Variants in FBRS observed in about 807,000 individuals in gnomAD.
FBRS encodes probable fibrosin-1.
FBRS carries 15 observed loss-of-function variants against 86.1 expected under a neutral mutation model. The observed-to-expected ratio is 0.17, with a 90% confidence interval of 0.12 to 0.27. FBRS has a LOEUF of 0.27. Ranked by LOEUF, FBRS falls within the 10% of genes least tolerant of loss-of-function variation. The pLI is 1.00. For synonymous variants in FBRS, 666 were observed against 575.8 expected (o/e 1.16, Z -2.24); for missense variants, 1,367 against 1,301.6 (o/e 1.05, Z -0.77).
chr16:30,666,163 T>C (rs1470090312), intron 11 of FBRS: 5 of 454,276 alleles, frequency 1.1e-5, no homozygotes, highest in Non-Finnish European at 2.0e-5. Context: ...CCAGAGGTTT[T>C]CCAACTTCCT....
In FBRS at chr16:30,665,576, T is replaced by TCTGGATCCCTTTGTGCTTGGTG; in HGVS notation, c.1705-60_1705-39dup. On this transcript the variant is annotated intron_variant, in intron 10 of 17. Coordinates refer to ENST00000356166, the MANE Select transcript of FBRS (RefSeq NM_001105079.3). This position sits in a 1 kb window ranked among gnomAD's most constrained non-coding sequence, Gnocchi z 4.1. ...TCCCTGCCCAGTGTCCCAGCTTGGT[T>TCTGGATCCCTTTGTGCTTGGTG]CTGGATCCCTTTGTGCTTGGTGCCA... 6.5e-7 allele frequency: 1 copy of TCTGGATCCCTTTGTGCTTGGTG among 1,537,888 alleles called. No homozygotes were observed. The highest frequency in any genetic ancestry group is 2.4e-5 in the East Asian group (1 of 41,018).
chr16:30,664,121 A>C, intron 6 of FBRS, 94 bp from the exon 7 acceptor site: 1 of 1,271,154 alleles, frequency 7.9e-7, no homozygotes. Flanking sequence ...CGTGTTGGAG[A>C]ACCAGGGTCA....
In FBRS at chr16:30,659,899, TGAGGAGGAGGAAGAG is replaced by T. The variant is rs2052435931; in HGVS notation, c.393_407del (p.Glu131_Glu135del). ...ACGACGGCGAAGCCGAGGAGGAGCC[TGAGGAGGAGGAAGAG>T]GAGGAGGAGGACTTGATCGATGGCT... On this transcript the variant is annotated inframe_deletion, in exon 1 of 18. Coordinates refer to ENST00000356166, the MANE Select transcript of FBRS (RefSeq NM_001105079.3). 2 of 1,550,028 alleles carry T rather than the reference TGAGGAGGAGGAAGAG, an allele frequency of 1.3e-6. No individual in the cohort carries two copies. The highest frequency in any genetic ancestry group is 2.5e-5 in the East Asian group (1 of 40,776).
At position 30,660,358 on chromosome 16, in the gene FBRS, G is replaced by C; in HGVS notation, c.555G>C (p.Glu185Asp). 7.8e-7 allele frequency: 1 copy of C among 1,286,608 alleles called. No homozygotes were observed. Among genetic ancestry groups the C allele is most frequent in the Non-Finnish European group, 9.9e-7 (1 of 1,007,646 alleles). 79.7% of individuals were successfully genotyped at this position (1,286,608 alleles called of 1,614,324 possible). The change falls in exon 2 of 18, where the codon GAG (glutamate) becomes GAC (aspartate). Residue 185 changes from glutamate (E) to aspartate (D), a missense_variant. This residue lies in a region of FBRS where 702 missense variants were observed against 598.7 expected (regional missense o/e 1.17). Coordinates refer to ENST00000356166, the MANE Select transcript of FBRS (RefSeq NM_001105079.3). ...GGGGCTCCAGTGGGGCCACCGGGGAGCCAGGGGACAGCTCTGATCGAGAGC... is the reference window on the plus strand; with the variant it reads ...GGGGCTCCAGTGGGGCCACCGGGGACCCAGGGGACAGCTCTGATCGAGAGC... The part of the protein sequence containing the change: ...KRGGSSGATG[E>D]PGDSSDREPG...
chr16:30,665,758 G>A lies in FBRS; in HGVS notation c.1773+52G>A. On this transcript the variant is annotated intron_variant, in intron 11 of 17. Transcript: ENST00000356166. This position sits in a 1 kb window ranked among gnomAD's most constrained non-coding sequence, Gnocchi z 4.1. The stretch of plus-strand genomic sequence containing the variant: ...GGAGCTGGAAGGTGTGTTGCGGGGA[G>A]AACAGAACTGACTTGAGGAGAGTGA... 2.0e-6 allele frequency: 3 copies of A among 1,519,870 alleles called. No homozygotes were observed. Among genetic ancestry groups the A allele is most frequent in the South Asian group, 1.2e-5 (1 of 83,310 alleles). 94.1% of individuals were successfully genotyped at this position (1,519,870 alleles called of 1,614,324 possible).
chr16:30,667,620 T>G lies in FBRS; in HGVS notation c.2072T>G (p.Ile691Ser). ...CCCTTCCTGAGCCCCAGCACCCACATTGGTAAGAGCCAAGGGCGTGTTGGG... is the reference window on the plus strand; with the variant it reads ...CCCTTCCTGAGCCCCAGCACCCACAGTGGTAAGAGCCAAGGGCGTGTTGGG... Reference protein sequence around the residue: ...HGPFLSPSTHIDPFGRPTSFA... With the variant: ...HGPFLSPSTHSDPFGRPTSFA... Residue 691 changes from isoleucine to serine, a missense_variant and splice_region_variant, in exon 15 of 18, where the codon ATT becomes AGT. By Grantham distance (142) the Ile-to-Ser change is moderately radical. This residue lies in a region of FBRS where 659 missense variants were observed against 678.8 expected (regional missense o/e 0.97). Coordinates refer to ENST00000356166, the MANE Select transcript of FBRS (RefSeq NM_001105079.3). The G allele has an allele frequency of 6.6e-7, 1 of 1,522,540 alleles. No individual in the cohort carries two copies. The highest frequency in any genetic ancestry group is 8.8e-7 in the Non-Finnish European group (1 of 1,134,616). The allele number at this position is 1,522,540 out of a possible 1,614,324, so 94.3% of individuals were successfully genotyped here.
At chr16:30,660,056 G>C in intron 1 of FBRS, 79 bp downstream of exon 1, 1 of 1,484,666 alleles carries the variant, frequency 6.7e-7, no homozygotes. Context: ...AGTGGGTGGA[G>C]TTGAGGGGGG....
Position 30,665,193 on chromosome 16 carries a change from G to A in FBRS, c.1609-113G>A. ...TTCAGCACAAAAGCAAGAGCCTTGAGCCTGGGACAGCTCCCTGGGGGGCTT... is the reference window on the plus strand; with the variant it reads ...TTCAGCACAAAAGCAAGAGCCTTGAACCTGGGACAGCTCCCTGGGGGGCTT... On this transcript the variant is annotated intron_variant, in intron 9 of 17. Coordinates refer to ENST00000356166, the MANE Select transcript of FBRS (RefSeq NM_001105079.3). The surrounding 1 kb of genome is among the most constrained non-coding windows in gnomAD (Gnocchi z 4.1). 2.6e-6 allele frequency: 4 copies of A among 1,520,730 alleles called. No homozygotes were observed. Among genetic ancestry groups the A allele is most frequent in the Non-Finnish European group, 3.5e-6 (4 of 1,128,294 alleles). The allele number at this position is 1,520,730 out of a possible 1,614,324, so 94.2% of individuals were successfully genotyped here.
chr16:30,664,620 G>A, intron 7 of FBRS, 95 bp from the exon 8 acceptor site: 3 of 1,441,348 alleles, frequency 2.1e-6, no homozygotes, highest in Non-Finnish European at 2.7e-6. Context: ...GGCTTGAGGA[G>A]GGAGTGGCTC....
At position 30,667,382 on chromosome 16, in the gene FBRS, G is replaced by C. The variant is rs1397639281; in HGVS notation, c.1938G>C (p.Gly646=). The C allele has an allele frequency of 1.4e-5, 22 of 1,552,896 alleles. No homozygotes were observed. The highest frequency in any genetic ancestry group is 1.6e-5 in the Non-Finnish European group (18 of 1,147,726). The change falls in exon 14 of 18, where the codon GGG becomes GGC. Residue 646 remains glycine (G), a synonymous_variant. Coordinates refer to ENST00000356166, the MANE Select transcript of FBRS (RefSeq NM_001105079.3). The stretch of plus-strand genomic sequence containing the variant: ...TGCCCTGCCTTCCGGGGCCCTATGG[G>C]GCCCTGCCCCCTGGGCAGGAGCTCT... ...DLLPCLPGPY[G]ALPPGQELSH...
rs1274642312 is a variant in FBRS, at chr16:30,659,947, C to T, written c.429C>T (p.Ile143=). Residue 143 remains isoleucine, a synonymous_variant, in exon 1 of 18, where the codon ATC becomes ATT. Coordinates refer to ENST00000356166, the MANE Select transcript of FBRS (RefSeq NM_001105079.3). ...EEEDLIDGFA[I]ASFATLEALQ... ...AGGACTTGATCGATGGCTTCGCCAT[C>T]GCCAGCTTCGCCACCCTCGAGGCCT... The T allele has an allele frequency of 1.2e-5, 19 of 1,550,502 alleles. No homozygotes were observed. The highest frequency in any genetic ancestry group is 1.3e-5 in the Non-Finnish European group (15 of 1,147,242).
chr16:30,668,900 G>T lies in FBRS; in HGVS notation c.2287G>T (p.Ala763Ser). The T allele has an allele frequency of 1.9e-6, 3 of 1,586,356 alleles. No homozygotes were observed. Among genetic ancestry groups the T allele is most frequent in the Non-Finnish European group, 2.6e-6 (3 of 1,169,944 alleles). The change falls in exon 17 of 18, where the codon GCC (alanine) becomes TCC (serine). Residue 763 changes from alanine (A) to serine (S), a missense_variant. Coordinates refer to ENST00000356166, the MANE Select transcript of FBRS (RefSeq NM_001105079.3). ...TFPAWVRPPE[A>S]ARTPGSDKER... is the part of the protein sequence containing the mutation. ...TCCTGCCTGGGTCCGGCCCCCTGAG[G>T]CCGCCCGGACTCCAGGCTCAGACAA... is the stretch of plus-strand genomic sequence containing the variant.
rs756248822 is a variant in FBRS, at chr16:30,669,435, C to G, written c.2733C>G (p.Ala911=). The G allele has an allele frequency of 6.2e-7, 1 of 1,612,840 alleles. No homozygotes were observed. Among genetic ancestry groups the G allele is most frequent in the Non-Finnish European group, 8.5e-7 (1 of 1,179,790 alleles). Residue 911 remains alanine (A), a synonymous_variant, in exon 18 of 18, where the codon GCC becomes GCG. Coordinates refer to ENST00000356166, the MANE Select transcript of FBRS (RefSeq NM_001105079.3). This position sits in a 1 kb window ranked among gnomAD's most constrained non-coding sequence, Gnocchi z 5.9. Reference sequence around the variant, plus strand: ...AGCTAACTGGACCCGGGGCCGTGGCCGCTGCCCGCCTCTACGGTCTGGAAC... The same window carrying G: ...AGCTAACTGGACCCGGGGCCGTGGCGGCTGCCCGCCTCTACGGTCTGGAAC... The part of the protein sequence containing the change: ...GEELTGPGAV[A]AARLYGLEPA...
rs1442952215 is a variant in FBRS at position 30,658,516 on chromosome 16, G to A, written c.-1003G>A. ...GGAGAAGCGCCCTAAGACTCCAAAG[G>A]AGACAACAGGAGTTTGTGCTGGAGC... is the stretch of plus-strand genomic sequence containing the variant. On this transcript the variant is annotated 5_prime_UTR_variant, in exon 1 of 18. Coordinates refer to ENST00000356166, the MANE Select transcript of FBRS (RefSeq NM_001105079.3). 1 of 152,510 alleles carries A rather than the reference G, an allele frequency of 6.6e-6. No individual in the cohort carries two copies. The highest frequency in any genetic ancestry group is 2.4e-5 in the African/African-American group (1 of 41,486). The allele number at this position is 152,510 out of a possible 1,614,324, so 9.4% of individuals were successfully genotyped here. A position where few individuals can be genotyped will look rare whatever the true frequency, so the allele number is the denominator to read the frequency against.
rs1164882650 is a variant in FBRS, at chr16:30,661,224, T to A, written c.675+9T>A. 1 of 1,550,680 alleles carries A rather than the reference T, an allele frequency of 6.4e-7. No homozygotes were observed. On this transcript the variant is annotated intron_variant, in intron 3 of 17. Transcript: ENST00000356166. Reference sequence around the variant, plus strand: ...TGGAAGCTGGATACATAGTAAGTGCTATCCACCTGTCCTGGCCCCTCCCTG... The same window carrying A: ...TGGAAGCTGGATACATAGTAAGTGCAATCCACCTGTCCTGGCCCCTCCCTG...
At position 30,669,043 on chromosome 16, in the gene FBRS, A is replaced by G; in HGVS notation, c.2367-26A>G. 1 of 1,545,062 alleles carries G rather than the reference A, an allele frequency of 6.5e-7. No individual in the cohort carries two copies. The highest frequency in any genetic ancestry group is 1.2e-5 in the South Asian group (1 of 85,636). ...GCCCCTGCTGCCCCTGGAGAACTTC[A>G]TTCTCTCCCCACGCCTGCCCTCCAG... On this transcript the variant is annotated intron_variant, in intron 17 of 17. Transcript: ENST00000356166. This position sits in a 1 kb window ranked among gnomAD's most constrained non-coding sequence, Gnocchi z 5.9.
Position 30,667,448 on chromosome 16 carries a change from C to A in FBRS, c.1993+11C>A. The A allele has an allele frequency of 6.5e-7, 1 of 1,531,266 alleles. No individual in the cohort carries two copies. Among genetic ancestry groups the A allele is most frequent in the Non-Finnish European group, 8.8e-7 (1 of 1,133,908 alleles). The allele number at this position is 1,531,266 out of a possible 1,614,324, so 94.9% of individuals were successfully genotyped here. A position where few individuals can be genotyped will look rare whatever the true frequency, so the allele number is the denominator to read the frequency against. On this transcript the variant is annotated intron_variant, in intron 14 of 17. Coordinates refer to ENST00000356166, the MANE Select transcript of FBRS (RefSeq NM_001105079.3). ...TCTTCACTGCGACTGGTGAGTCTGGCCAGCCCCCTCGGGCCTGAGGTTCCC... is the reference window on the plus strand; with the variant it reads ...TCTTCACTGCGACTGGTGAGTCTGGACAGCCCCCTCGGGCCTGAGGTTCCC...
rs759244119 is a variant in FBRS at position 30,662,425 on chromosome 16, C to T, written c.711C>T (p.Ser237=). 82 of 1,550,508 alleles carry T rather than the reference C, an allele frequency of 5.3e-5. No individual in the cohort carries two copies. The highest frequency in any genetic ancestry group is 1.3e-4 in the South Asian group (11 of 84,056). The change falls in exon 5 of 18, where the codon TCC becomes TCT. Residue 237 remains serine, a synonymous_variant. Transcript: ENST00000356166. ...DAESDLDERV[S]DDDLDPSFTV... is the part of the protein sequence containing the mutation. Reference sequence around the variant, plus strand: ...CCCTTGCCCTTCTTCCCCAGGTCTCCGATGATGACCTCGACCCATCCTTTA... The same window carrying T: ...CCCTTGCCCTTCTTCCCCAGGTCTCTGATGATGACCTCGACCCATCCTTTA...
intron 4 of FBRS, 91 bp downstream of exon 4, chr16:30,661,424 C>T (rs2052460442): frequency 3.2e-6 from 5 of 1,546,584 alleles, no homozygotes; most frequent in East Asian, 2.4e-5. Context: ...GACAGCCTTC[C>T]CTTGAGTGAG....
Sources: gnomAD v4.1 joint callset for allele counts on GRCh38, gnomAD v4.1.1 for gene constraint, gnomAD v4.1.1 regional missense constraint, Gnocchi (gnomAD v3.1) non-coding constraint, MANE v1.5 for transcripts, NCBI Gene and HGNC (gene_info 2026-07-23, HGNC 2026-07-21) for gene names.